Variants in FRMD4A observed in about 807,000 individuals in gnomAD.
The protein encoded by FRMD4A is FERM domain-containing protein 4A.
FRMD4A carries 29 observed loss-of-function variants against 129.1 expected under a neutral mutation model. That is an observed-to-expected ratio of 0.22 (90% CI 0.17 to 0.31). FRMD4A has a LOEUF of 0.31. Among genes scored for constraint, FRMD4A ranks in the 10% least tolerant of loss-of-function variants. The pLI, the probability that FRMD4A is intolerant of heterozygous loss-of-function variation, is 1.00. For synonymous variants in FRMD4A, 634 were observed against 571.6 expected (o/e 1.11, Z -1.56); for missense variants, 1,272 against 1,375.8 (o/e 0.92, Z 1.19).
chr10:14,053,954 T>G (rs559227397), intron 2 of FRMD4A, among the ~76,000 whole-genome samples: 1 of 152,056 alleles, frequency 6.6e-6, no homozygotes, highest in East Asian at 1.9e-4. Flanking sequence ...CTGCAGTGAG[T>G]TATGATCACC....
intron 3 of FRMD4A, among the ~76,000 whole-genome samples, chr10:13,844,086 G>A (rs1344207547): frequency 6.6e-6 from 1 of 152,192 alleles, no homozygotes; most frequent in South Asian, 2.1e-4. Flanking sequence ...AGGAGAGTGT[G>A]TGTGTGTTAT....
intron 14 of FRMD4A, among the ~76,000 whole-genome samples, chr10:13,697,996 A>G (rs956299149): frequency 6.6e-6 from 1 of 151,930 alleles, no homozygotes; most frequent in Non-Finnish European, 1.5e-5. Context: ...CTCATTCTGA[A>G]GGAGCTACAA....
chr10:13,814,690 A>G (rs2093511913), intron 3 of FRMD4A, among the ~76,000 whole-genome samples: 1 of 151,576 alleles, frequency 6.6e-6, no homozygotes, highest in Non-Finnish European at 1.5e-5. Context: ...AAAGAGAGAG[A>G]GAAAAAAAAG....
At chr10:13,990,065 A>C (rs2131423732) in intron 2 of FRMD4A, among the ~76,000 whole-genome samples, 1 of 152,274 alleles carries the variant, frequency 6.6e-6, no homozygotes, top group South Asian at 2.1e-4. Context: ...CAAACCCTGG[A>C]TCTGCCACTG....
intron 12 of FRMD4A, among the ~76,000 whole-genome samples, chr10:13,714,173 T>C (rs2088534872): frequency 6.7e-6 from 1 of 149,304 alleles, no homozygotes; most frequent in Admixed American, 6.8e-5. Flanking sequence ...AGTGATTCTC[T>C]TGTCTCAGCC....
rs34963496 is a variant in FRMD4A at position 13,713,844 on chromosome 10, TATAC to T, written c.760-6735_760-6732del. On this transcript the variant is annotated intron_variant, in intron 12 of 24. Transcript: ENST00000357447. ...AATATATATACATATATGTAATATA[TATAC>T]ACATATATATAATATATATACATAT... 1.2e-3 allele frequency among the ~76,000 whole-genome samples: 9 copies of T among 7,466 alleles called. 3 individuals carry two copies. The highest frequency in any genetic ancestry group is 5.6e-3 in the African/African-American group (5 of 890). The allele number at this position is 7,466 out of a possible 152,430, so 4.9% of individuals were successfully genotyped here. A position where few individuals can be genotyped will look rare whatever the true frequency, so the allele number is the denominator to read the frequency against.
At chr10:13,703,106 T>C (rs776611683) in intron 13 of FRMD4A, among the ~76,000 whole-genome samples, 72 of 151,952 alleles carry the variant, frequency 4.7e-4, no homozygotes, top group Middle Eastern at 3.4e-3. Context: ...GACTTTTTTT[T>C]CCCCCCAGAA....
At chr10:14,051,977 C>T (rs542270165) in intron 2 of FRMD4A, among the ~76,000 whole-genome samples, 35 of 152,322 alleles carry the variant, frequency 2.3e-4, no homozygotes, top group African/African-American at 8.4e-4. Context: ...ATTAAGGTAA[C>T]ATGAGGTCAC....
rs781276267 is a variant in FRMD4A at position 14,305,509 on chromosome 10, C to T, written c.45+24549G>A. 2.4e-4 allele frequency among the ~76,000 whole-genome samples: 37 copies of T among 152,126 alleles called. No individual in the cohort carries two copies. In the Middle Eastern group the frequency reaches 0.01, roughly 42 times the overall value. On this transcript the variant is annotated intron_variant, in intron 2 of 24. Coordinates refer to ENST00000357447, the MANE Select transcript of FRMD4A (RefSeq NM_018027.5). ...AAGGAAACATCCCTGAAGAGTTTAACGCTGGTAATAGAATAATATACTCGC... is the reference window on the plus strand; with the variant it reads ...AAGGAAACATCCCTGAAGAGTTTAATGCTGGTAATAGAATAATATACTCGC...
In FRMD4A at chr10:14,294,567, T is replaced by C. The variant is rs915585879; in HGVS notation, c.45+35491A>G. Among the ~76,000 whole-genome samples, 4 of 152,148 alleles carry C rather than the reference T, an allele frequency of 2.6e-5. No homozygotes were observed. The South Asian group carries it at 6.2e-4, about 24-fold the overall frequency. ...GGCCCCCGATTCAGGCAGATTCAAA[T>C]GGACAAATCAGTGAAATGGAAGCCT... On this transcript the variant is annotated intron_variant, in intron 2 of 24. Transcript: ENST00000357447.
At chr10:14,175,757 T>G (rs1235360702) in intron 2 of FRMD4A, among the ~76,000 whole-genome samples, 1 of 152,152 alleles carries the variant, frequency 6.6e-6, no homozygotes, top group Non-Finnish European at 1.5e-5. Context: ...ACTCCTGGCC[T>G]CAAGAGATCC....
chr10:13,971,628 G>C, intron 2 of FRMD4A: 1 of 1,247,048 alleles, frequency 8.0e-7, no homozygotes, highest in Non-Finnish European at 1.1e-6. Context: ...ATGCTTCAAA[G>C]AAACGAAAGA....
At chr10:14,155,324 T>A (rs1840541956) in intron 2 of FRMD4A, among the ~76,000 whole-genome samples, 1 of 152,128 alleles carries the variant, frequency 6.6e-6, no homozygotes, top group African/African-American at 2.4e-5. Context: ...ATTCTTGTGT[T>A]GAAAATATAA....
At chr10:14,031,360 C>T (rs111871617) in intron 2 of FRMD4A, among the ~76,000 whole-genome samples, 19,811 of 151,936 alleles carry the variant, frequency 0.13, 1,625 homozygotes, top group African/African-American at 0.23. Flanking sequence ...CTCCGCCTCC[C>T]GGGTTCAAGT....
intron 12 of FRMD4A, among the ~76,000 whole-genome samples, chr10:13,714,001 T>TATATAAAATAC (rs1464663472): frequency 1.5e-5 from 1 of 66,934 alleles, no homozygotes; most frequent in African/African-American, 5.5e-5. Context: ...ATAATATACA[T>TATATAAAATAC]ATATAATATA....
intron 2 of FRMD4A, among the ~76,000 whole-genome samples, chr10:14,262,573 C>A (rs373809219): frequency 6.6e-6 from 1 of 152,176 alleles, no homozygotes; most frequent in African/African-American, 2.4e-5. Context: ...TGGGGCTAAA[C>A]TGCGCTCACC....
intron 2 of FRMD4A, among the ~76,000 whole-genome samples, chr10:14,093,940 A>G (rs1366494685): frequency 6.6e-6 from 1 of 152,236 alleles, no homozygotes; most frequent in Non-Finnish European, 1.5e-5. Context: ...CATAGCTGGG[A>G]AGAAGATGCT....
chr10:13,884,196 TCACACACACACTCACACACACA>T (rs2094588629), intron 2 of FRMD4A, among the ~76,000 whole-genome samples: 1 of 108,536 alleles, frequency 9.2e-6, no homozygotes, highest in African/African-American at 3.6e-5. Flanking sequence ...ACACACACAC[TCACACACACACTCACACACACA>T]CACACACACA....
At chr10:13,941,199 G>C (rs1350521404) in intron 2 of FRMD4A, among the ~76,000 whole-genome samples, 1 of 152,140 alleles carries the variant, frequency 6.6e-6, no homozygotes, top group African/African-American at 2.4e-5. Context: ...AATCATGGAG[G>C]CGGTTTCCTC....
Sources: gnomAD v4.1 joint callset for allele counts (sites outside exome capture counted in the v4.1 genomes callset) on GRCh38, gnomAD v4.1.1 for gene constraint, MANE v1.5 for transcripts, NCBI Gene and HGNC (gene_info 2026-07-23, HGNC 2026-07-21) for gene names.